IL19: variants seen among roughly 807,000 people sequenced by gnomAD.
IL19 encodes the protein interleukin-19.
In IL19, 15 loss-of-function variants were observed where a neutral mutation model predicts 19.5. The observed-to-expected ratio is 0.77, with a 90% CI of 0.52 to 1.19. The LOEUF is 1.19. Ranked by LOEUF, IL19 falls within the 50% of genes most tolerant of loss-of-function variation. The pLI is 0.00. For synonymous variants in IL19, 78 were observed against 78.3 expected (o/e 1.00, Z 0.02); for missense variants, 199 against 213.1 (o/e 0.93, Z 0.41).
At chr1:206,808,369 C>A (rs965969181) in intron 2 of IL19, among the ~76,000 whole-genome samples, 4 of 152,062 alleles carry the variant, frequency 2.6e-5, no homozygotes, top group Non-Finnish European at 5.9e-5. Context: ...CCATACCAAA[C>A]AAAAGATATT....
At chr1:206,782,727 C>G (rs1030624499) in intron 1 of IL19, among the ~76,000 whole-genome samples, 6 of 152,296 alleles carry the variant, frequency 3.9e-5, no homozygotes, top group African/African-American at 1.2e-4. Flanking sequence ...CTGTAAACCC[C>G]TTCTCCAAGG....
intron 1 of IL19, among the ~76,000 whole-genome samples, chr1:206,798,597 C>G (rs1675587599): frequency 6.6e-6 from 1 of 151,368 alleles, no homozygotes; most frequent in African/African-American, 2.4e-5. Context: ...GCCTCTGGGC[C>G]CCATAAAATC....
intron 1 of IL19, among the ~76,000 whole-genome samples, chr1:206,794,933 G>A (rs1473450205): frequency 6.6e-6 from 1 of 152,236 alleles, no homozygotes; most frequent in Non-Finnish European, 1.5e-5. Flanking sequence ...AGGGAAAAGG[G>A]TCAGTGAGTG....
intron 2 of IL19, among the ~76,000 whole-genome samples, chr1:206,836,024 T>G (rs1328061934): frequency 2.0e-5 from 3 of 152,236 alleles, no homozygotes; most frequent in African/African-American, 7.2e-5. Context: ...GACGGGAAGT[T>G]GCCAAGCTGC....
intron 1 of IL19, 72 bp downstream of exon 1, chr1:206,771,150 C>G: frequency 2.8e-6 from 4 of 1,425,432 alleles, no homozygotes; most frequent in Non-Finnish European, 4.0e-6. Context: ...CAGCTTGGTT[C>G]TAGCGATCCT....
chr1:206,829,376 G>A (rs1164574207), intron 2 of IL19, among the ~76,000 whole-genome samples: 1 of 152,138 alleles, frequency 6.6e-6, no homozygotes, highest in African/African-American at 2.4e-5. Flanking sequence ...GGGAGGAGGA[G>A]GGGAGTGGGG....
intron 1 of IL19, among the ~76,000 whole-genome samples, chr1:206,779,856 C>CTCT (rs542458870): frequency 4.1e-5 from 6 of 145,582 alleles, no homozygotes; most frequent in African/African-American, 7.6e-5. Context: ...CTCTCTCTCT[C>CTCT]TTTTTTTTTT....
intron 1 of IL19, among the ~76,000 whole-genome samples, chr1:206,790,229 T>G (rs1675364270): frequency 2.0e-5 from 3 of 152,206 alleles, no homozygotes. Context: ...TAATGGCCTT[T>G]CTGGCTGGGG....
At chr1:206,775,311 C>T (rs1674964892) in intron 1 of IL19, among the ~76,000 whole-genome samples, 1 of 152,136 alleles carries the variant, frequency 6.6e-6, no homozygotes, top group Admixed American at 6.5e-5. Flanking sequence ...CTTGGCCTCC[C>T]AGAGTGCTGA....
rs12027844 is a variant in IL19, at chr1:206,780,830, G to C, written c.-149+9752G>C. Among the ~76,000 whole-genome samples, 416 of 152,322 alleles carry C rather than the reference G, an allele frequency of 2.7e-3. 2 individuals are homozygous for C. The highest frequency in any genetic ancestry group is 0.021 in the East Asian group (110 of 5,186). On this transcript the variant is annotated intron_variant, in intron 1 of 6. Transcript: ENST00000659997. ...GGGCCTGCAGCAACAATTAGGGGCA[G>C]CTGTCTAAGATGTGTTCGGTGTGTG...
intron 1 of IL19, among the ~76,000 whole-genome samples, chr1:206,773,844 G>A (rs1358231667): frequency 6.6e-6 from 1 of 152,132 alleles, no homozygotes; most frequent in Non-Finnish European, 1.5e-5. Context: ...CAGGAGGCCT[G>A]GGCTCTGCCT....
At chr1:206,795,925 A>ATG (rs1316791210) in intron 1 of IL19, among the ~76,000 whole-genome samples, 3,550 of 132,212 alleles carry the variant, frequency 0.027, 54 homozygotes, top group African/African-American at 0.06. Context: ...ATAAATATAT[A>ATG]TATGTGTGTG....
intron 2 of IL19, among the ~76,000 whole-genome samples, chr1:206,817,582 C>T (rs554604472): frequency 6.6e-6 from 1 of 152,130 alleles, no homozygotes; most frequent in South Asian, 2.1e-4. Flanking sequence ...ACACATATTT[C>T]AGAGAGGCAT....
At chr1:206,802,476 T>TA (rs1675737796) in intron 2 of IL19, among the ~76,000 whole-genome samples, 1 of 152,060 alleles carries the variant, frequency 6.6e-6, no homozygotes, top group Non-Finnish European at 1.5e-5. Flanking sequence ...ATTTTACAGA[T>TA]AAGGAAACTA....
At chr1:206,801,364 G>A (rs546940764) in intron 2 of IL19, among the ~76,000 whole-genome samples, 7 of 152,260 alleles carry the variant, frequency 4.6e-5, no homozygotes, top group South Asian at 2.1e-4. Flanking sequence ...GCCTGGAGGC[G>A]GGGGGTGGAA....
At chr1:206,786,841 G>T (rs965438632) in intron 1 of IL19, among the ~76,000 whole-genome samples, 1 of 152,104 alleles carries the variant, frequency 6.6e-6, no homozygotes, top group African/African-American at 2.4e-5. Flanking sequence ...TCAACATTCT[G>T]AGAACAACAA....
At chr1:206,795,098 G>A (rs1288479925) in intron 1 of IL19, among the ~76,000 whole-genome samples, 2 of 152,140 alleles carry the variant, frequency 1.3e-5, no homozygotes, top group Non-Finnish European at 2.9e-5. Flanking sequence ...CACACAAAAA[G>A]CTTAGGCATA....
Position 206,773,127 on chromosome 1 carries a change from C to T in IL19, c.-149+2049C>T, listed in dbSNP as rs1800895. On this transcript the variant is annotated intron_variant, in intron 1 of 6. Coordinates refer to ENST00000659997, the MANE Select transcript of IL19 (RefSeq NM_153758.5). Reference sequence around the variant, plus strand: ...CCGATTTCATTAGGATTCTCAGGCACATGTTTCCACCTCTTCAGCTGTCCC... The same window carrying T: ...CCGATTTCATTAGGATTCTCAGGCATATGTTTCCACCTCTTCAGCTGTCCC... 8.9e-3 allele frequency among the ~76,000 whole-genome samples: 1,361 copies of T among 152,284 alleles called. 10 individuals carry two copies. Among genetic ancestry groups the T allele is most frequent in the Admixed American group, 0.014 (219 of 15,298 alleles).
intron 2 of IL19, among the ~76,000 whole-genome samples, chr1:206,811,267 C>G (rs1374997594): frequency 6.6e-6 from 1 of 151,586 alleles, no homozygotes; most frequent in Non-Finnish European, 1.5e-5. Context: ...GTTTGGTGAC[C>G]CCCACCTCTA....
Sources: allele counts gnomAD v4.1 joint callset (sites outside exome capture counted in the v4.1 genomes callset), GRCh38; gene constraint gnomAD v4.1.1; transcripts MANE v1.5; gene names NCBI Gene and HGNC (gene_info 2026-07-23, HGNC 2026-07-21).